Variants in NBEAL1 observed in about 807,000 individuals in gnomAD.
NBEAL1 encodes neurobeachin-like protein 1.
A neutral mutation model predicts 351.3 loss-of-function variants in NBEAL1; 273 were observed. That is an observed-to-expected ratio of 0.78 (90% CI 0.70 to 0.86). NBEAL1 has a LOEUF of 0.86. Ranked by LOEUF, NBEAL1 falls within the 40% of genes least tolerant of loss-of-function variation. NBEAL1 has a pLI of 0.00. For missense variants in NBEAL1, 2,961 were observed against 3,201.3 expected (o/e 0.92, Z 1.81); for synonymous variants, 1,050 against 1,086.4 (o/e 0.97, Z 0.66).
rs2063291173 is a variant in NBEAL1 at position 203,138,836 on chromosome 2, T to C, written c.4848+88T>C. 7 of 1,322,034 alleles carry C rather than the reference T, an allele frequency of 5.3e-6. No homozygotes were observed. In the Admixed American group the frequency reaches 1.9e-4, roughly 36 times the overall value. The allele number at this position is 1,322,034 out of a possible 1,614,324, so 81.9% of individuals were successfully genotyped here. A position where few individuals can be genotyped will look rare whatever the true frequency, so the allele number is the denominator to read the frequency against. ...CAAGCCAGTTAAAATGTCTTTTTGG[T>C]ATTTTAAGTTTTTCATTAGTTCTAA... On this transcript the variant is annotated intron_variant, in intron 31 of 55. Transcript: ENST00000683969.
Position 203,107,902 on chromosome 2 carries a change from G to A in NBEAL1, c.1663G>A (p.Glu555Lys). 9.7e-6 allele frequency: 15 copies of A among 1,553,786 alleles called. No homozygotes were observed. The highest frequency in any genetic ancestry group is 1.3e-5 in the Non-Finnish European group (15 of 1,147,586). The change falls in exon 14 of 56, where the codon GAA (glutamate) becomes AAA (lysine). Residue 555 changes from glutamate (E) to lysine (K), a missense_variant. Coordinates refer to ENST00000683969, the MANE Select transcript of NBEAL1 (RefSeq NM_001378026.1). ...CTTGGGGAGTCAGTCAGTGAGCTCA[G>A]AAGAAATCCGTCGACTACTGAGATT... ...GSLGSQSVSS[E>K]EIRRLLRLLR...
At chr2:203,105,598 A>G (rs1398141683) in intron 12 of NBEAL1, among the ~76,000 whole-genome samples, 1 of 152,180 alleles carries the variant, frequency 6.6e-6, no homozygotes, top group Non-Finnish European at 1.5e-5. Flanking sequence ...GATTTTCACT[A>G]TGTAAATTCT....
intron 23 of NBEAL1, among the ~76,000 whole-genome samples, chr2:203,127,315 T>A (rs2062960938): frequency 6.6e-6 from 1 of 152,238 alleles, no homozygotes. Flanking sequence ...ACTGAAACTC[T>A]TAACTCAGAA....
intron 17 of NBEAL1, among the ~76,000 whole-genome samples, chr2:203,114,813 C>G (rs1345988603): frequency 1.3e-5 from 2 of 150,616 alleles, no homozygotes; most frequent in East Asian, 3.9e-4. Context: ...AGTGCAGTGG[C>G]TGATATTGGC....
intron 10 of NBEAL1, among the ~76,000 whole-genome samples, chr2:203,089,628 C>T (rs1161032350): frequency 1.3e-5 from 2 of 152,140 alleles, no homozygotes; most frequent in Non-Finnish European, 2.9e-5. Flanking sequence ...TAGGATCACA[C>T]ACACACCACA....
rs1486318676 is a variant in NBEAL1 at position 203,222,424 on chromosome 2, C to A, written c.*5070C>A. The stretch of plus-strand genomic sequence containing the variant: ...AAATTTGTCCATTTATCTTTATATA[C>A]CAGATCCAATATTCAGACTTATTTG... On this transcript the variant is annotated 3_prime_UTR_variant, in exon 56 of 56. Coordinates refer to ENST00000683969, the MANE Select transcript of NBEAL1 (RefSeq NM_001378026.1). Among the ~76,000 whole-genome samples the A allele has an allele frequency of 6.6e-6, 1 of 152,082 alleles. No homozygotes were observed. Among genetic ancestry groups the A allele is most frequent in the African/African-American group, 2.4e-5 (1 of 41,400 alleles).
intron 2 of NBEAL1, among the ~76,000 whole-genome samples, chr2:203,025,474 T>C (rs2060842852): frequency 1.3e-5 from 2 of 152,064 alleles, no homozygotes; most frequent in Non-Finnish European, 2.9e-5. Flanking sequence ...TTGCTACAGC[T>C]TTTTTTTCCT....
At chr2:203,165,519 A>G (rs1440399028) in intron 36 of NBEAL1, among the ~76,000 whole-genome samples, 2 of 152,222 alleles carry the variant, frequency 1.3e-5, no homozygotes, top group Admixed American at 6.5e-5. Context: ...CTAAAATGAC[A>G]TGACCAATAT....
intron 35 of NBEAL1, among the ~76,000 whole-genome samples, chr2:203,153,267 G>T (rs2063709957): frequency 6.6e-6 from 1 of 151,530 alleles, no homozygotes; most frequent in South Asian, 2.1e-4. Context: ...TGATTAGCTG[G>T]GACTACCAAT....
intron 4 of NBEAL1, among the ~76,000 whole-genome samples, chr2:203,054,221 T>A (rs572916089): frequency 1.3e-5 from 2 of 151,768 alleles, no homozygotes; most frequent in African/African-American, 4.8e-5. Context: ...AGGTCAGGAG[T>A]TCCGGACCAG....
Position 203,130,403 on chromosome 2 carries a change from GA to G in NBEAL1, c.3494del (p.Asn1165MetfsTer10). ...CTTTTCTTACTGCTTTTTGAACCAG[GA>G]AATGCTGACATACTGTACGCATTGC... ...GQLFLLLFEPGNADILYALLL... is the reference protein window; with the variant it reads ...GQLFLLLFEPXNADILYALLL... On this transcript the variant is annotated frameshift_variant, in exon 25 of 56. Coordinates refer to ENST00000683969, the MANE Select transcript of NBEAL1 (RefSeq NM_001378026.1). LOFTEE classifies it high-confidence loss of function. The G allele has an allele frequency of 6.5e-7, 1 of 1,534,476 alleles. No individual in the cohort carries two copies. Among genetic ancestry groups the G allele is most frequent in the Non-Finnish European group, 8.8e-7 (1 of 1,140,860 alleles).
intron 2 of NBEAL1, among the ~76,000 whole-genome samples, chr2:203,039,233 TCCC>T (rs2061091510): frequency 2.0e-5 from 1 of 49,838 alleles, no homozygotes; most frequent in Non-Finnish European, 4.1e-5. Flanking sequence ...TCCCTTCCCT[TCCC>T]TTCCCTTCCC....
rs2065994172 is a variant in NBEAL1 at position 203,225,146 on chromosome 2, T to A, written c.*7792T>A. On this transcript the variant is annotated 3_prime_UTR_variant, in exon 56 of 56. Transcript: ENST00000683969. ...TTGTACATAATAAATTAGCTTTGTA[T>A]ATGAAAATGGGTTTGAATCAAATAA... 6.6e-6 allele frequency among the ~76,000 whole-genome samples: 1 copy of A among 152,212 alleles called. No homozygotes were observed. The highest frequency in any genetic ancestry group is 1.5e-5 in the Non-Finnish European group (1 of 68,032).
rs968981661 is a variant in NBEAL1, at chr2:203,220,483, C to CAA, written c.*3141_*3142dup. ...TGGGCAACAGGGCAAGACTCCATCT[C>CAA]AAAAAAAAAAAAAGTCTGTTATCTT... On this transcript the variant is annotated 3_prime_UTR_variant, in exon 56 of 56. Coordinates refer to ENST00000683969, the MANE Select transcript of NBEAL1 (RefSeq NM_001378026.1). Among the ~76,000 whole-genome samples, 1 of 136,194 alleles carries CAA rather than the reference C, an allele frequency of 7.3e-6. No individual in the cohort carries two copies. The allele number at this position is 136,194 out of a possible 152,430, so 89.3% of individuals were successfully genotyped here.
chr2:203,034,457 ATTT>A (rs1241543389), intron 2 of NBEAL1, among the ~76,000 whole-genome samples: 5 of 111,938 alleles, frequency 4.5e-5, no homozygotes, highest in Admixed American at 9.4e-5. Flanking sequence ...ACACCCGGCC[ATTT>A]TTTTTTTTTT....
In NBEAL1 at chr2:203,133,136, T is replaced by G; in HGVS notation, c.3803T>G (p.Ile1268Ser). 6.8e-7 allele frequency: 1 copy of G among 1,469,294 alleles called. No individual in the cohort carries two copies. The highest frequency in any genetic ancestry group is 9.3e-7 in the Non-Finnish European group (1 of 1,080,818). 91.0% of individuals were successfully genotyped at this position (1,469,294 alleles called of 1,614,324 possible). A position where few individuals can be genotyped will look rare whatever the true frequency, so the allele number is the denominator to read the frequency against. ...HRAHINVRVA[I>S]CRKVLQILQF... ...GCACATATAAATGTTAGAGTGGCCA[T>G]CTGCAGAAAGGTCAGTAAACTCTTA... The change falls in exon 27 of 56, where the codon ATC (isoleucine) becomes AGC (serine). Residue 1268 changes from isoleucine (I) to serine (S), a missense_variant. Ile to Ser is a moderately radical substitution (Grantham distance 142). Transcript: ENST00000683969.
chr2:203,191,088 T>C (rs1344154125), intron 46 of NBEAL1: 3 of 1,596,790 alleles, frequency 1.9e-6, no homozygotes, highest in African/African-American at 1.3e-5. Context: ...ACAGTGGGAA[T>C]ATCACTTTTG....
intron 7 of NBEAL1, among the ~76,000 whole-genome samples, chr2:203,071,190 C>T (rs1559345651): frequency 6.6e-6 from 1 of 152,066 alleles, no homozygotes; most frequent in African/African-American, 2.4e-5. Flanking sequence ...ATTGTCATAA[C>T]AAAATACTGT....
chr2:203,184,222 G>A (rs2064827357), intron 44 of NBEAL1, among the ~76,000 whole-genome samples: 1 of 152,010 alleles, frequency 6.6e-6, no homozygotes, highest in Admixed American at 6.6e-5. Flanking sequence ...CCTGAGGTCA[G>A]GAATTTGCAA....
Sources: gnomAD v4.1 joint callset for allele counts (sites outside exome capture counted in the v4.1 genomes callset) on GRCh38, gnomAD v4.1.1 for gene constraint, MANE v1.5 for transcripts, NCBI Gene and HGNC (gene_info 2026-07-23, HGNC 2026-07-21) for gene names.